Variants in TMEM135 observed in about 807,000 individuals in gnomAD.
The protein encoded by TMEM135 is transmembrane protein 135, also known as peroxisomal membrane protein 52.
TMEM135 carries 30 observed loss-of-function variants against 60.3 expected under a neutral mutation model. The ratio of observed to expected loss-of-function variants is 0.50; its 90% CI spans 0.37 to 0.68. TMEM135 has a LOEUF of 0.68. Ranked by LOEUF, TMEM135 falls within the 30% of genes least tolerant of loss-of-function variation. TMEM135 has a pLI of 0.00. For missense variants in TMEM135, 468 were observed against 548.8 expected, an observed-to-expected ratio of 0.85 and a Z score of 1.47; for synonymous variants, 190 against 186.7, an observed-to-expected ratio of 1.02 and a Z score of -0.14.
At chr11:87,317,772 C>T (rs183443662) in intron 12 of TMEM135, among the ~76,000 whole-genome samples, 12 of 152,034 alleles carry the variant, frequency 7.9e-5, no homozygotes, top group Admixed American at 3.9e-4. Context: ...GAATAGTGCC[C>T]GGCGTGTAGA....
intron 6 of TMEM135, among the ~76,000 whole-genome samples, chr11:87,251,927 G>A (rs1591140909): frequency 6.6e-6 from 1 of 152,166 alleles, no homozygotes; most frequent in Non-Finnish European, 1.5e-5. Flanking sequence ...TATCCAGTAA[G>A]TGAGAGGTAA....
chr11:87,141,738 G>A (rs1938267660), intron 4 of TMEM135, among the ~76,000 whole-genome samples: 1 of 151,982 alleles, frequency 6.6e-6, no homozygotes, highest in African/African-American at 2.4e-5. Flanking sequence ...TTCCATAGCA[G>A]TGTCTACCCT....
intron 4 of TMEM135, among the ~76,000 whole-genome samples, chr11:87,109,682 T>C (rs1266654314): frequency 6.6e-6 from 1 of 152,198 alleles, no homozygotes; most frequent in Non-Finnish European, 1.5e-5. Context: ...GGGACTATTA[T>C]ATGTCAGTTT....
intron 4 of TMEM135, among the ~76,000 whole-genome samples, chr11:87,128,246 T>C (rs1197828186): frequency 6.6e-6 from 1 of 152,234 alleles, no homozygotes; most frequent in East Asian, 1.9e-4. Context: ...TAATTGTGCC[T>C]GTATATGCAT....
intron 5 of TMEM135, among the ~76,000 whole-genome samples, chr11:87,171,812 G>C (rs1269329070): frequency 6.6e-6 from 1 of 152,148 alleles, no homozygotes. Context: ...GGATGAAACT[G>C]TTCTACCTCA....
chr11:87,144,825 T>C (rs1938366956), intron 4 of TMEM135, among the ~76,000 whole-genome samples: 1 of 152,010 alleles, frequency 6.6e-6, no homozygotes, highest in African/African-American at 2.4e-5. Flanking sequence ...TTTTTTATTA[T>C]AAATTCACAA....
intron 4 of TMEM135, among the ~76,000 whole-genome samples, chr11:87,106,850 C>G (rs951197823): frequency 6.6e-6 from 1 of 152,074 alleles, no homozygotes; most frequent in Non-Finnish European, 1.5e-5. Context: ...GCAGGCTGTA[C>G]AGGAAGCATA....
At chr11:87,292,666 G>A (rs903340357) in intron 6 of TMEM135, among the ~76,000 whole-genome samples, 3 of 152,084 alleles carry the variant, frequency 2.0e-5, no homozygotes, top group Non-Finnish European at 2.9e-5. Context: ...CTTTTTATGG[G>A]AATAATTACG....
At chr11:87,221,815 TTTAAG>T (rs1444821814) in intron 5 of TMEM135, among the ~76,000 whole-genome samples, 1 of 152,312 alleles carries the variant, frequency 6.6e-6, no homozygotes, top group Non-Finnish European at 1.5e-5. Flanking sequence ...TAGCTCAGCA[TTTAAG>T]TTTTTACTAA....
At chr11:87,055,397 A>G (rs1949884229) in intron 1 of TMEM135, among the ~76,000 whole-genome samples, 1 of 152,236 alleles carries the variant, frequency 6.6e-6, no homozygotes, top group Non-Finnish European at 1.5e-5. Flanking sequence ...AACTGCCTAC[A>G]AACACCTCGA....
chr11:87,159,617 A>ACACACACACACACCCACACACCCC (rs140303858), intron 5 of TMEM135, among the ~76,000 whole-genome samples: 1 of 149,344 alleles, frequency 6.7e-6, no homozygotes, highest in Non-Finnish European at 1.5e-5. Context: ...ACACACACAC[A>ACACACACACACACCCACACACCCC]CCATAGATTT....
chr11:87,129,831 G>T (rs1173895671), intron 4 of TMEM135, among the ~76,000 whole-genome samples: 1 of 152,024 alleles, frequency 6.6e-6, no homozygotes, highest in Non-Finnish European at 1.5e-5. Flanking sequence ...GTGAGCCATT[G>T]CGCTCGGCTG....
At chr11:87,289,374 C>A (rs553377769) in intron 6 of TMEM135, among the ~76,000 whole-genome samples, 1 of 151,144 alleles carries the variant, frequency 6.6e-6, no homozygotes, top group South Asian at 2.1e-4. Context: ...TGATATAGAA[C>A]CACTAGAACG....
At chr11:87,220,449 AG>A (rs1469365975) in intron 5 of TMEM135, among the ~76,000 whole-genome samples, 1 of 152,216 alleles carries the variant, frequency 6.6e-6, no homozygotes, top group African/African-American at 2.4e-5. Flanking sequence ...TGAGAAGGCC[AG>A]GTCATATCAC....
intron 4 of TMEM135, among the ~76,000 whole-genome samples, chr11:87,112,033 A>G (rs888649794): frequency 6.6e-6 from 1 of 152,182 alleles, no homozygotes; most frequent in Non-Finnish European, 1.5e-5. Flanking sequence ...AAATAGTGAT[A>G]CCAGGAAACA....
At position 87,071,546 on chromosome 11, in the gene TMEM135, C is replaced by T. The variant is rs775847855; in HGVS notation, c.293C>T (p.Ser98Leu). The T allele has an allele frequency of 3.1e-6, 5 of 1,613,868 alleles. No homozygotes were observed. Among genetic ancestry groups the T allele is most frequent in the East Asian group, 2.2e-5 (1 of 44,864 alleles). The change falls in exon 3 of 15, where the codon TCA becomes TTA. Residue 98 changes from serine (S) to leucine (L), a missense_variant. Transcript: ENST00000305494. ...ILRKILGKFYSWTPGFGAALP... is the reference protein window; with the variant it reads ...ILRKILGKFYLWTPGFGAALP... The stretch of plus-strand genomic sequence containing the variant: ...AGGAAGATACTTGGAAAATTCTACT[C>T]ATGGACTCCTGGCTTTGGTGCCGCT...
chr11:87,240,676 T>C (rs1338578835), intron 6 of TMEM135, among the ~76,000 whole-genome samples: 1 of 152,140 alleles, frequency 6.6e-6, no homozygotes, highest in African/African-American at 2.4e-5. Flanking sequence ...TATTAATTCA[T>C]TGATTTTATA....
chr11:87,138,376 C>G (rs1938166499), intron 4 of TMEM135, among the ~76,000 whole-genome samples: 1 of 152,162 alleles, frequency 6.6e-6, no homozygotes. Flanking sequence ...CAGGTTTGAG[C>G]CACTGCGCCC....
rs568523145 is a variant in TMEM135, at chr11:87,125,423, C to T, written c.397-31918C>T. On this transcript the variant is annotated intron_variant, in intron 4 of 14. Coordinates refer to ENST00000305494, the MANE Select transcript of TMEM135 (RefSeq NM_022918.4). ...TGGAGAGATGACATTGAGTACACTCCGAATGATGTAAAGGAGCTGTTAATA... is the reference window on the plus strand; with the variant it reads ...TGGAGAGATGACATTGAGTACACTCTGAATGATGTAAAGGAGCTGTTAATA... Among the ~76,000 whole-genome samples, 18 of 152,024 alleles carry T rather than the reference C, an allele frequency of 1.2e-4. No individual in the cohort carries two copies. In the South Asian group the frequency reaches 3.5e-3, roughly 30 times the overall value.
Sources: allele counts gnomAD v4.1 joint callset (sites outside exome capture counted in the v4.1 genomes callset), GRCh38; gene constraint gnomAD v4.1.1; transcripts MANE v1.5; gene names NCBI Gene and HGNC (gene_info 2026-07-23, HGNC 2026-07-21).